CIT: variants seen among roughly 807,000 people sequenced by gnomAD.
CIT encodes the protein citron rho-interacting serine/threonine kinase.
CIT carries 79 observed loss-of-function variants against 272.7 expected under a neutral mutation model. The observed-to-expected ratio is 0.29, with a 90% CI of 0.24 to 0.35. The LOEUF is 0.35. Ranked by LOEUF, CIT falls within the 10% of genes least tolerant of loss-of-function variation. CIT has a pLI of 1.00. For missense variants in CIT, 1,909 were observed against 2,618.3 expected, an observed-to-expected ratio of 0.73 and a Z score of 5.91; for synonymous variants, 948 against 995.6, an observed-to-expected ratio of 0.95 and a Z score of 0.90.
At chr12:119,733,624 A>G (rs1380094659) in intron 26 of CIT, among the ~76,000 whole-genome samples, 2 of 152,032 alleles carry the variant, frequency 1.3e-5, no homozygotes, top group Non-Finnish European at 2.9e-5. Flanking sequence ...TATTGGGGGC[A>G]ATGTCTAGAG....
intron 3 of CIT, among the ~76,000 whole-genome samples, chr12:119,858,092 A>G (rs1432732321): frequency 6.6e-6 from 1 of 152,192 alleles, no homozygotes; most frequent in Admixed American, 6.5e-5. Flanking sequence ...ATTTAGACCA[A>G]CTTGGGACCT....
chr12:119,714,797 T>C (rs1790321027), intron 32 of CIT, among the ~76,000 whole-genome samples: 1 of 152,178 alleles, frequency 6.6e-6, no homozygotes, highest in African/African-American at 2.4e-5. Flanking sequence ...TTAAACATAG[T>C]TACCCCAGAA....
At chr12:119,788,289 G>A (rs1337076038) in intron 10 of CIT, among the ~76,000 whole-genome samples, 2 of 152,094 alleles carry the variant, frequency 1.3e-5, no homozygotes, top group Non-Finnish European at 1.5e-5. Flanking sequence ...GCTTGGCATG[G>A]CCTTGAGCAA....
intron 44 of CIT, among the ~76,000 whole-genome samples, chr12:119,698,839 CT>C (rs1207159073): frequency 6.6e-6 from 1 of 152,006 alleles, no homozygotes; most frequent in Non-Finnish European, 1.5e-5. Flanking sequence ...CTCATATGAG[CT>C]TTTTTTTCTT....
At chr12:119,720,646 T>C in intron 29 of CIT, 61 bp from the exon 30 acceptor site, 1 of 1,264,336 alleles carries the variant, frequency 7.9e-7, no homozygotes, top group Non-Finnish European at 1.1e-6. Flanking sequence ...TTAAAGTTGG[T>C]ACTTTAAGAA....
At chr12:119,826,253 AC>A (rs1339905192) in intron 7 of CIT, among the ~76,000 whole-genome samples, 2 of 151,882 alleles carry the variant, frequency 1.3e-5, no homozygotes, top group Non-Finnish European at 2.9e-5. Context: ...CTCACCCCTA[AC>A]CCTTGTTCCT....
chr12:119,789,009 G>A (rs1043776439), intron 10 of CIT, among the ~76,000 whole-genome samples: 2 of 152,160 alleles, frequency 1.3e-5, no homozygotes, highest in African/African-American at 2.4e-5. Context: ...GGATGAGGCT[G>A]GAGAGTAAAG....
intron 10 of CIT, among the ~76,000 whole-genome samples, chr12:119,794,499 G>T (rs757517665): frequency 6.6e-6 from 1 of 152,228 alleles, no homozygotes; most frequent in Non-Finnish European, 1.5e-5. Context: ...TACCCATCCA[G>T]GGGATACCCA....
chr12:119,784,608 C>G lies in CIT; in HGVS notation c.1401+352G>C. ...TGACATAAGCAGGAGTTTTAAAAGA[C>G]TAGGAAGAGAGACTTCGCATCACTC... On this transcript the variant is annotated intron_variant, in intron 11 of 47. Transcript: ENST00000392521. The surrounding 1 kb of genome is among the most constrained non-coding windows in gnomAD (Gnocchi z 4.7). 1 of 1,191,066 alleles carries G rather than the reference C, an allele frequency of 8.4e-7. No individual in the cohort carries two copies. Among genetic ancestry groups the G allele is most frequent in the Non-Finnish European group, 1.0e-6 (1 of 954,360 alleles). 73.8% of individuals were successfully genotyped at this position (1,191,066 alleles called of 1,614,324 possible).
intron 9 of CIT, among the ~76,000 whole-genome samples, chr12:119,808,083 G>T (rs1330281121): frequency 6.6e-6 from 1 of 151,956 alleles, no homozygotes; most frequent in Admixed American, 6.6e-5. Context: ...AAGGCTTTCA[G>T]AAACAAAGAG....
chr12:119,871,201 G>A (rs1034772954), intron 2 of CIT, among the ~76,000 whole-genome samples: 3 of 151,610 alleles, frequency 2.0e-5, no homozygotes, highest in African/African-American at 7.3e-5. Flanking sequence ...GAAACACTAA[G>A]GTGCCCCAGC....
chr12:119,812,745 ATTT>A (rs11315906), intron 9 of CIT, among the ~76,000 whole-genome samples: 14 of 128,174 alleles, frequency 1.1e-4, no homozygotes, highest in South Asian at 5.1e-4. Context: ...TTTATTCTTA[ATTT>A]TTTTTTTTTT....
At chr12:119,700,514 C>G (rs1360559435) in intron 44 of CIT, among the ~76,000 whole-genome samples, 1 of 152,164 alleles carries the variant, frequency 6.6e-6, no homozygotes, top group Admixed American at 6.5e-5. Flanking sequence ...TCCTGAGTAG[C>G]TGGGACTACA....
intron 44 of CIT, chr12:119,698,304 A>G (rs1368766355): frequency 1.5e-5 from 7 of 471,166 alleles, no homozygotes; most frequent in Non-Finnish European, 2.7e-5. Flanking sequence ...ATTATAATAC[A>G]TCTGGCTGGG....
intron 10 of CIT, among the ~76,000 whole-genome samples, chr12:119,792,808 C>T (rs1488797393): frequency 2.6e-5 from 4 of 151,922 alleles, no homozygotes; most frequent in African/African-American, 9.7e-5. Flanking sequence ...TTAAAATACA[C>T]AATGGTGGCC....
intron 25 of CIT, among the ~76,000 whole-genome samples, chr12:119,734,639 C>A (rs1472875233): frequency 1.3e-5 from 2 of 151,808 alleles, no homozygotes; most frequent in African/African-American, 4.8e-5. Context: ...TTGTTTTTAT[C>A]TATCTTTATT....
chr12:119,857,759 T>C, intron 3 of CIT, 61 bp from the exon 4 acceptor site: 1 of 1,448,166 alleles, frequency 6.9e-7, no homozygotes, highest in Non-Finnish European at 9.3e-7. Flanking sequence ...TGCATCTTTA[T>C]GAAAGAAAAA....
intron 2 of CIT, among the ~76,000 whole-genome samples, chr12:119,872,037 T>C (rs751070518): frequency 4.5e-4 from 69 of 152,182 alleles, no homozygotes; most frequent in Non-Finnish European, 8.2e-4. Context: ...CTTAACAAAG[T>C]TTTCAACAGC....
At chr12:119,802,915 C>T (rs1431934370) in intron 10 of CIT, among the ~76,000 whole-genome samples, 1 of 152,192 alleles carries the variant, frequency 6.6e-6, no homozygotes. Flanking sequence ...GGAAATCTCC[C>T]ACTCTCTCCC....
Sources: gnomAD v4.1 joint callset for allele counts (sites outside exome capture counted in the v4.1 genomes callset) on GRCh38, gnomAD v4.1.1 for gene constraint, Gnocchi (gnomAD v3.1) non-coding constraint, MANE v1.5 for transcripts, NCBI Gene and HGNC (gene_info 2026-07-23, HGNC 2026-07-21) for gene names.